AFF3: variants seen among roughly 807,000 people sequenced by gnomAD.
AFF3 encodes AF4/FMR2 family member 3.
In AFF3, 32 loss-of-function variants were observed where a neutral mutation model predicts 129.7. That is an observed-to-expected ratio of 0.25 (90% CI 0.19 to 0.33). AFF3 has a LOEUF of 0.33. Among genes scored for constraint, AFF3 ranks in the 10% least tolerant of loss-of-function variants. The pLI, the probability that AFF3 is intolerant of heterozygous loss-of-function variation, is 1.00. For missense variants in AFF3, 1,373 were observed against 1,592.0 expected, an observed-to-expected ratio of 0.86 and a Z score of 2.34; for synonymous variants, 644 against 635.4, an observed-to-expected ratio of 1.01 and a Z score of -0.20.
At chr2:99,632,666 C>T (rs1363361953) in intron 13 of AFF3, among the ~76,000 whole-genome samples, 1 of 152,128 alleles carries the variant, frequency 6.6e-6, no homozygotes, top group Non-Finnish European at 1.5e-5. Context: ...ACCTGAATTC[C>T]CCTAGTTGCT....
chr2:99,829,525 T>C (rs1052208491), intron 8 of AFF3, among the ~76,000 whole-genome samples: 3 of 152,052 alleles, frequency 2.0e-5, no homozygotes, highest in Non-Finnish European at 2.9e-5. Flanking sequence ...AACAAACATA[T>C]GAAAAAAAGC....
intron 13 of AFF3, among the ~76,000 whole-genome samples, chr2:99,629,330 A>G (rs1316048579): frequency 6.6e-6 from 1 of 152,180 alleles, no homozygotes; most frequent in Non-Finnish European, 1.5e-5. Flanking sequence ...TACAAACTCG[A>G]CATACAAAAA....
intron 2 of AFF3, among the ~76,000 whole-genome samples, chr2:100,124,531 G>C (rs1242033582): frequency 6.6e-6 from 1 of 152,134 alleles, no homozygotes. Context: ...AGAAAAACAA[G>C]ACTGAGATAG....
At chr2:99,660,219 C>T (rs755425533) in intron 12 of AFF3, among the ~76,000 whole-genome samples, 4 of 152,158 alleles carry the variant, frequency 2.6e-5, no homozygotes, top group Non-Finnish European at 5.9e-5. Flanking sequence ...CAACTAGCGC[C>T]TAAATTGTGA....
Position 99,546,486 on chromosome 2 carries a change from G to A in AFF3, c.*4988C>T, listed in dbSNP as rs1674077462. ...TAGACACGAGTGAGTTATGTCAGAT[G>A]GTATAATGGGAAAAAGACAAAGGAT... is the stretch of plus-strand genomic sequence containing the variant. On this transcript the variant is annotated 3_prime_UTR_variant, in exon 25 of 25. Coordinates refer to ENST00000672756, the MANE Select transcript of AFF3 (RefSeq NM_001386135.1). 4.3e-6 allele frequency: 1 copy of A among 232,732 alleles called. No individual in the cohort carries two copies. Among genetic ancestry groups the A allele is most frequent in the Non-Finnish European group, 8.5e-6 (1 of 117,848 alleles). 14.4% of individuals were successfully genotyped at this position (232,732 alleles called of 1,614,324 possible).
chr2:99,796,708 G>C (rs1685577053), intron 8 of AFF3, among the ~76,000 whole-genome samples: 1 of 152,156 alleles, frequency 6.6e-6, no homozygotes, highest in African/African-American at 2.4e-5. Context: ...GTATTCAGCA[G>C]AGTTCTGAGT....
intron 2 of AFF3, among the ~76,000 whole-genome samples, chr2:100,115,515 C>T (rs1443031645): frequency 6.6e-6 from 1 of 152,174 alleles, no homozygotes; most frequent in Non-Finnish European, 1.5e-5. Context: ...AGATCATACA[C>T]TGTACTCCAT....
intron 12 of AFF3, among the ~76,000 whole-genome samples, chr2:99,653,250 T>C (rs1427766592): frequency 6.6e-6 from 1 of 152,242 alleles, no homozygotes; most frequent in Non-Finnish European, 1.5e-5. Flanking sequence ...GTATTATTAG[T>C]ATTGTCTCTT....
chr2:99,714,551 C>T (rs1009904443), intron 11 of AFF3, among the ~76,000 whole-genome samples: 1 of 151,190 alleles, frequency 6.6e-6, no homozygotes, highest in Non-Finnish European at 1.5e-5. Context: ...TGGACGGACA[C>T]CTCATAGACT....
chr2:99,760,060 C>T (rs1480023566), intron 8 of AFF3, among the ~76,000 whole-genome samples: 1 of 152,064 alleles, frequency 6.6e-6, no homozygotes, highest in Non-Finnish European at 1.5e-5. Flanking sequence ...TATAAAGAAA[C>T]TAGTATAGTT....
intron 7 of AFF3, among the ~76,000 whole-genome samples, chr2:99,995,753 T>G (rs1364764671): frequency 6.6e-6 from 1 of 152,154 alleles, no homozygotes. Context: ...GAGAGAGAGA[T>G]ACAAAATTTA....
chr2:99,959,830 C>G (rs1677053601), intron 7 of AFF3, among the ~76,000 whole-genome samples: 1 of 151,618 alleles, frequency 6.6e-6, no homozygotes, highest in Non-Finnish European at 1.5e-5. Flanking sequence ...AATATGTTCC[C>G]CATTTTAACC....
chr2:99,872,786 T>A (rs1691981554), intron 7 of AFF3, among the ~76,000 whole-genome samples: 1 of 152,102 alleles, frequency 6.6e-6, no homozygotes, highest in South Asian at 2.1e-4. Context: ...TTATACGACA[T>A]TTAAAAAGCC....
intron 7 of AFF3, among the ~76,000 whole-genome samples, chr2:99,991,367 G>T (rs1001004363): frequency 2.0e-5 from 3 of 148,842 alleles, no homozygotes; most frequent in African/African-American, 7.3e-5. Context: ...TGTAATCTGC[G>T]CAGAAGGTCA....
intron 7 of AFF3, among the ~76,000 whole-genome samples, chr2:99,914,818 G>A (rs554781213): frequency 7.2e-5 from 11 of 152,110 alleles, no homozygotes; most frequent in African/African-American, 2.7e-4. Context: ...TACTCAGGAG[G>A]CTGAGGCAGG....
intron 12 of AFF3, among the ~76,000 whole-genome samples, chr2:99,661,910 C>A (rs771205163): frequency 3.9e-5 from 6 of 152,286 alleles, no homozygotes; most frequent in Non-Finnish European, 8.8e-5. Context: ...AAGGCCAAGG[C>A]AGGGGGATCA....
intron 11 of AFF3, among the ~76,000 whole-genome samples, chr2:99,711,959 G>T (rs533432666): frequency 6.6e-6 from 1 of 152,108 alleles, no homozygotes; most frequent in African/African-American, 2.4e-5. Context: ...CAGTGAGTAT[G>T]GAGTAGCTGA....
At chr2:99,559,014 G>C (rs748358440) in intron 21 of AFF3, 46 bp from the exon 22 acceptor site, 6 of 1,557,126 alleles carry the variant, frequency 3.9e-6, no homozygotes, top group Non-Finnish European at 5.3e-6. Flanking sequence ...TGAGTGCGTC[G>C]TGCGCAAACA....
chr2:99,689,277 C>T (rs1008926176), intron 11 of AFF3, among the ~76,000 whole-genome samples: 2 of 152,172 alleles, frequency 1.3e-5, no homozygotes, highest in African/African-American at 4.8e-5. Context: ...TCATGGTTGG[C>T]CTCAGCTGAC....
Sources: allele counts gnomAD v4.1 joint callset (sites outside exome capture counted in the v4.1 genomes callset), GRCh38; gene constraint gnomAD v4.1.1; transcripts MANE v1.5; gene names NCBI Gene and HGNC (gene_info 2026-07-23, HGNC 2026-07-21).